The following PNPLA3 variants were observed in gnomAD, a reference collection of about 807,000 sequenced individuals.
The protein encoded by PNPLA3 is patatin like domain 3, 1-acylglycerol-3-phosphate O-acyltransferase.
A neutral mutation model predicts 43.1 loss-of-function variants in PNPLA3; 42 were observed. The ratio of observed to expected loss-of-function variants is 0.97; its 90% CI spans 0.76 to 1.26. PNPLA3 has a LOEUF of 1.26. Among genes scored for constraint, PNPLA3 ranks in the 50% most tolerant of loss-of-function variants. The pLI is 0.00. For missense variants in PNPLA3, 647 were observed against 621.4 expected, an observed-to-expected ratio of 1.04 and a Z score of -0.44; for synonymous variants, 272 against 253.6, an observed-to-expected ratio of 1.07 and a Z score of -0.69.
intron 1 of PNPLA3, 136 bp from the exon 2 acceptor site, chr22:43,926,799 C>T (rs1030488541): frequency 5.9e-6 from 4 of 678,516 alleles, no homozygotes; most frequent in Non-Finnish European, 5.1e-6. Context: ...GTGATAGCCA[C>T]ATGTGGCTCC....
In PNPLA3 at chr22:43,923,919, A is replaced by G; in HGVS notation, c.8A>G (p.Asp3Gly). 6.4e-7 allele frequency: 1 copy of G among 1,564,932 alleles called. No homozygotes were observed. The change falls in exon 1 of 9, where the codon GAC becomes GGC. Residue 3 changes from aspartate to glycine, a missense_variant. Asp to Gly is a moderately conservative substitution (Grantham distance 94). Coordinates refer to ENST00000216180, the MANE Select transcript of PNPLA3 (RefSeq NM_025225.3). MY[D>G]AERGWSLSFA... ...CGCCCCGCCGCCGCCGCCATGTACGACGCAGAGCGCGGCTGGAGCTTGTCC... is the reference window on the plus strand; with the variant it reads ...CGCCCCGCCGCCGCCGCCATGTACGGCGCAGAGCGCGGCTGGAGCTTGTCC...
intron 3 of PNPLA3, among the ~76,000 whole-genome samples, chr22:43,931,120 C>T (rs2049958908): frequency 6.6e-6 from 1 of 152,090 alleles, no homozygotes; most frequent in African/African-American, 2.4e-5. Flanking sequence ...AAGCGAGACT[C>T]CGTCTCACAA....
chr22:43,927,272 G>A (rs1352492668), intron 2 of PNPLA3, 105 bp downstream of exon 2: 10 of 1,046,034 alleles, frequency 9.6e-6, no homozygotes, highest in Non-Finnish European at 1.4e-5. Flanking sequence ...GCCGAAGCGG[G>A]TGGGTTGCTT....
rs397716964 is a variant in PNPLA3 at position 43,947,061 on chromosome 22, TA to T, written c.*692del. On this transcript the variant is annotated 3_prime_UTR_variant, in exon 9 of 9. Transcript: ENST00000216180. ...AGTGAGATGTTAGTAGAATAAGCCT[TA>T]AAAAAAAAAAAATCGGTTGGGTGCA... is the stretch of plus-strand genomic sequence containing the variant. 0.01 allele frequency: 1,829 copies of T among 178,304 alleles called. No individual in the cohort carries two copies. Among genetic ancestry groups the T allele is most frequent in the South Asian group, 0.031 (303 of 9,786 alleles). 11.0% of individuals were successfully genotyped at this position (178,304 alleles called of 1,614,324 possible). A position where few individuals can be genotyped will look rare whatever the true frequency, so the allele number is the denominator to read the frequency against.
rs182312402 is a variant in PNPLA3, at chr22:43,937,328, A to G, written c.979+56A>G. The stretch of plus-strand genomic sequence containing the variant: ...CACCTTGTTTTCTTTCTTGTGCATT[A>G]TGGAGGAAGATGGTACTGCCACATG... On this transcript the variant is annotated intron_variant, in intron 6 of 8. Coordinates refer to ENST00000216180, the MANE Select transcript of PNPLA3 (RefSeq NM_025225.3). The G allele has an allele frequency of 6.9e-5, 104 of 1,499,064 alleles. No homozygotes were observed. In the East Asian group the frequency reaches 1.1e-3, roughly 15 times the overall value. The allele number at this position is 1,499,064 out of a possible 1,614,324, so 92.9% of individuals were successfully genotyped here. A position where few individuals can be genotyped will look rare whatever the true frequency, so the allele number is the denominator to read the frequency against.
rs549919860 is a variant in PNPLA3 at position 43,941,717 on chromosome 22, A to G, written c.1112+1592A>G. ...AAGTTACTCGACTTCTCTGAGCCTCAGCGGTTTCATCCGCAATATATGGAT... is the reference window on the plus strand; with the variant it reads ...AAGTTACTCGACTTCTCTGAGCCTCGGCGGTTTCATCCGCAATATATGGAT... On this transcript the variant is annotated intron_variant, in intron 7 of 8. Transcript: ENST00000216180. Among the ~76,000 whole-genome samples, 8 of 152,296 alleles carry G rather than the reference A, an allele frequency of 5.3e-5. No individual in the cohort carries two copies. The East Asian group carries it at 1.5e-3, about 29-fold the overall frequency.
chr22:43,927,679 C>A (rs1298365797), intron 2 of PNPLA3, among the ~76,000 whole-genome samples: 1 of 151,612 alleles, frequency 6.6e-6, no homozygotes, highest in Non-Finnish European at 1.5e-5. Context: ...GGGCGGGGTA[C>A]AGAGTCTTGC....
intron 5 of PNPLA3, 33 bp from the exon 6 acceptor site, chr22:43,937,018 G>A (rs774848941): frequency 1.6e-5 from 25 of 1,584,482 alleles, no homozygotes; most frequent in African/African-American, 1.2e-4. Flanking sequence ...TCCCACGTTC[G>A]CCTGATGGGC....
At chr22:43,939,486 T>C (rs1485733666) in intron 6 of PNPLA3, 10 of 898,788 alleles carry the variant, frequency 1.1e-5, no homozygotes, top group Non-Finnish European at 1.3e-5. Flanking sequence ...TTGGCTGTGC[T>C]CCCCGCTTCA....
intron 3 of PNPLA3, among the ~76,000 whole-genome samples, chr22:43,930,085 G>A (rs1023881976): frequency 1.3e-5 from 2 of 152,150 alleles, no homozygotes; most frequent in East Asian, 3.8e-4. Context: ...CCTGTATGTA[G>A]CACCAGCAGA....
chr22:43,929,013 C>G, intron 3 of PNPLA3, 124 bp downstream of exon 3: 1 of 993,118 alleles, frequency 1.0e-6, no homozygotes, highest in Non-Finnish European at 1.6e-6. Flanking sequence ...AGCCCCATGC[C>G]TCACTGCCTT....
In PNPLA3 at chr22:43,923,870, G is replaced by A. The variant is rs1005399093; in HGVS notation, c.-42G>A. On this transcript the variant is annotated 5_prime_UTR_variant, in exon 1 of 9. Transcript: ENST00000216180. ...AGGACCCGAGCCGATTCCCGATCCC[G>A]ACCCAGATCCTAACCCGCGCCCCCG... 3 of 1,446,934 alleles carry A rather than the reference G, an allele frequency of 2.1e-6. No individual in the cohort carries two copies. The highest frequency in any genetic ancestry group is 2.7e-6 in the Non-Finnish European group (3 of 1,103,964). The allele number at this position is 1,446,934 out of a possible 1,614,324, so 89.6% of individuals were successfully genotyped here.
At chr22:43,940,666 G>A (rs2050025308) in intron 7 of PNPLA3, among the ~76,000 whole-genome samples, 1 of 151,934 alleles carries the variant, frequency 6.6e-6, no homozygotes, top group Non-Finnish European at 1.5e-5. Flanking sequence ...AAAATTAGTG[G>A]AGCATGGTGG....
chr22:43,943,747 T>C (rs1203904285), intron 7 of PNPLA3, among the ~76,000 whole-genome samples: 1 of 152,194 alleles, frequency 6.6e-6, no homozygotes, highest in Non-Finnish European at 1.5e-5. Context: ...TTGGTGGGTG[T>C]TTACTTTGTT....
Position 43,924,103 on chromosome 22 carries a change from G to T in PNPLA3, c.187+5G>T. The stretch of plus-strand genomic sequence containing the variant: ...TCCTCTCCGGTATCCCGCTGGGTGC[G>T]TCTGGGGACGCTGCCCGGGCTCCAC... On this transcript the variant is annotated splice_donor_5th_base_variant and intron_variant, in intron 1 of 8. Transcript: ENST00000216180. 1 of 1,537,114 alleles carries T rather than the reference G, an allele frequency of 6.5e-7. No individual in the cohort carries two copies. Among genetic ancestry groups the T allele is most frequent in the Non-Finnish European group, 8.7e-7 (1 of 1,151,600 alleles).
In PNPLA3 at chr22:43,932,884, G is replaced by A. The variant is rs540703793; in HGVS notation, c.493G>A (p.Val165Met). Reference sequence around the variant, plus strand: ...TTTTCCCCTTCTTTAAAAGCGATATGTGGATGGAGGAGTGAGTGACAACGT... The same window carrying A: ...TTTTCCCCTTCTTTAAAAGCGATATATGGATGGAGGAGTGAGTGACAACGT... ...IPPSFRGVRY[V>M]DGGVSDNVPF... The change falls in exon 4 of 9, where the codon GTG (valine) becomes ATG (methionine). Residue 165 changes from valine (V) to methionine (M), a missense_variant. Transcript: ENST00000216180. 4 of 1,614,158 alleles carry A rather than the reference G, an allele frequency of 2.5e-6. No homozygotes were observed. Among genetic ancestry groups the A allele is most frequent in the East Asian group, 4.5e-5 (2 of 44,876 alleles).
rs1349753682 is a variant in PNPLA3 at position 43,935,462 on chromosome 22, AC to A, written c.757+797del. On this transcript the variant is annotated intron_variant, in intron 5 of 8. Coordinates refer to ENST00000216180, the MANE Select transcript of PNPLA3 (RefSeq NM_025225.3). The stretch of plus-strand genomic sequence containing the variant: ...AAAGTACAGGTGCCAATGAGAAGGC[AC>A]AGGTGTCAAGGAGAAGACACAGGAT... 9.9e-5 allele frequency among the ~76,000 whole-genome samples: 15 copies of A among 152,276 alleles called. No individual in the cohort carries two copies. In the East Asian group the frequency reaches 2.5e-3, roughly 25 times the overall value.
intron 6 of PNPLA3, among the ~76,000 whole-genome samples, chr22:43,938,742 A>T (rs2050012227): frequency 6.6e-6 from 1 of 152,166 alleles, no homozygotes; most frequent in Non-Finnish European, 1.5e-5. Context: ...AAACCATATG[A>T]CCAGATTAAT....
Position 43,937,220 on chromosome 22 carries a change from C to T in PNPLA3, c.927C>T (p.Ile309=). ...DELLDHLRLS[I]LPWDESILDT... ...TGCTAGACCACCTGCGTCTCAGCAT[C>T]CTGCCCTGGGATGAGAGCATCCTGG... The change falls in exon 6 of 9, where the codon ATC becomes ATT. Residue 309 remains isoleucine (I), a synonymous_variant. Transcript: ENST00000216180. 1 of 1,614,160 alleles carries T rather than the reference C, an allele frequency of 6.2e-7. No homozygotes were observed.
Sources: gnomAD v4.1 joint callset for allele counts (sites outside exome capture counted in the v4.1 genomes callset) on GRCh38, gnomAD v4.1.1 for gene constraint, MANE v1.5 for transcripts, NCBI Gene and HGNC (gene_info 2026-07-23, HGNC 2026-07-21) for gene names.